Variants in PLCB1 observed in about 807,000 individuals in gnomAD.
PLCB1 encodes phospholipase C beta 1, also known as 1-phosphatidylinositol 4,5-bisphosphate phosphodiesterase beta-1.
Under a neutral mutation model 161.8 loss-of-function variants are expected in PLCB1, and 46 were observed. The observed-to-expected ratio is 0.28, with a 90% CI of 0.22 to 0.36. PLCB1 has a LOEUF of 0.36. Among genes scored for constraint, PLCB1 ranks in the 10% least tolerant of loss-of-function variants. PLCB1 has a pLI of 1.00. For synonymous variants in PLCB1, 517 were observed against 503.7 expected (o/e 1.03, Z -0.35); for missense variants, 1,016 against 1,472.5 (o/e 0.69, Z 5.07).
At chr20:8,869,449 C>G (rs1386798661) in intron 31 of PLCB1, among the ~76,000 whole-genome samples, 1 of 152,160 alleles carries the variant, frequency 6.6e-6, no homozygotes, top group African/African-American at 2.4e-5. Flanking sequence ...CTGACGTGGC[C>G]TGCTGAGTAG....
intron 3 of PLCB1, among the ~76,000 whole-genome samples, chr20:8,606,772 T>G (rs1987770087): frequency 6.6e-6 from 1 of 152,216 alleles, no homozygotes. Context: ...TTGTGATAGA[T>G]TGACAGAATT....
chr20:8,611,458 A>G (rs1204699301), intron 3 of PLCB1, among the ~76,000 whole-genome samples: 1 of 152,134 alleles, frequency 6.6e-6, no homozygotes. Flanking sequence ...ACATCAAGTT[A>G]CCTAGTCAGT....
At chr20:8,148,043 C>T (rs1478191749) in intron 1 of PLCB1, among the ~76,000 whole-genome samples, 4 of 151,780 alleles carry the variant, frequency 2.6e-5, no homozygotes, top group African/African-American at 9.7e-5. Context: ...TGTATGGGAT[C>T]CTTGCAGGGA....
chr20:8,724,048 T>C (rs1486301089), intron 15 of PLCB1, among the ~76,000 whole-genome samples: 5 of 151,864 alleles, frequency 3.3e-5, no homozygotes, highest in East Asian at 3.9e-4. Flanking sequence ...TAAAGGGACA[T>C]GGGGCCTACC....
chr20:8,812,064 C>T (rs546361234), intron 31 of PLCB1, among the ~76,000 whole-genome samples: 1 of 149,872 alleles, frequency 6.7e-6, no homozygotes, highest in South Asian at 2.1e-4. Flanking sequence ...ATTTTTTTTT[C>T]AAATTTTTCA....
chr20:8,774,770 G>C (rs1003257942), intron 27 of PLCB1, 51 bp downstream of exon 27: 2 of 1,474,754 alleles, frequency 1.4e-6, no homozygotes, highest in Non-Finnish European at 1.9e-6. Flanking sequence ...CTCCCTTATA[G>C]GAAACTTTGG....
intron 3 of PLCB1, among the ~76,000 whole-genome samples, chr20:8,603,166 A>C (rs1987646949): frequency 6.6e-6 from 1 of 152,242 alleles, no homozygotes; most frequent in Non-Finnish European, 1.5e-5. Flanking sequence ...CATACTTGTT[A>C]TTTAAAGAAA....
intron 23 of PLCB1, among the ~76,000 whole-genome samples, chr20:8,747,950 A>C (rs1286592856): frequency 1.2e-4 from 19 of 152,184 alleles, no homozygotes; most frequent in Admixed American, 1.2e-3. Context: ...GATACCATTT[A>C]ATTATTCAAA....
At chr20:8,435,954 G>GT (rs1352248070) in intron 3 of PLCB1, among the ~76,000 whole-genome samples, 9 of 152,138 alleles carry the variant, frequency 5.9e-5, no homozygotes, top group African/African-American at 2.2e-4. Context: ...ATGATGCCAG[G>GT]TGATTCCTAG....
intron 4 of PLCB1, among the ~76,000 whole-genome samples, chr20:8,639,975 A>G (rs1988891006): frequency 6.6e-6 from 1 of 152,308 alleles, no homozygotes; most frequent in African/African-American, 2.4e-5. Flanking sequence ...GGAACAATCA[A>G]GGCCAAAGAC....
At chr20:8,248,445 A>G (rs73084337) in intron 2 of PLCB1, among the ~76,000 whole-genome samples, 13,533 of 151,922 alleles carry the variant, frequency 0.089, 645 homozygotes, top group East Asian at 0.13. Context: ...AGCCTTCTGA[A>G]GAAGGCTGCA....
At chr20:8,433,150 C>T (rs1245044626) in intron 3 of PLCB1, among the ~76,000 whole-genome samples, 2 of 152,146 alleles carry the variant, frequency 1.3e-5, no homozygotes, top group Non-Finnish European at 2.9e-5. Context: ...TTGCAGCATC[C>T]GGTCCTCTCT....
chr20:8,141,596 C>T (rs1208650997), intron 1 of PLCB1, among the ~76,000 whole-genome samples: 1 of 144,782 alleles, frequency 6.9e-6, no homozygotes, highest in Non-Finnish European at 1.5e-5. Context: ...CACTGCATTC[C>T]AGCCTGGGCG....
At chr20:8,871,155 A>T (rs1439180348) in intron 31 of PLCB1, among the ~76,000 whole-genome samples, 1 of 152,218 alleles carries the variant, frequency 6.6e-6, no homozygotes, top group Admixed American at 6.5e-5. Flanking sequence ...TAATCCCTCT[A>T]TTGTAATCTA....
At chr20:8,282,951 G>T (rs989655514) in intron 2 of PLCB1, among the ~76,000 whole-genome samples, 1 of 138,878 alleles carries the variant, frequency 7.2e-6, no homozygotes, top group Admixed American at 7.3e-5. Flanking sequence ...AGATAATTAG[G>T]CAAGAGCTGA....
At chr20:8,189,024 C>T (rs6055619) in intron 2 of PLCB1, among the ~76,000 whole-genome samples, 44,486 of 151,792 alleles carry the variant, frequency 0.29, 6,999 homozygotes, top group African/African-American at 0.41. Context: ...AATATTTATT[C>T]AAAAGTAATG....
chr20:8,632,035 C>CTTTTTTTTTTTGTTTTTTTTTTTTT (rs1568537430), intron 4 of PLCB1, among the ~76,000 whole-genome samples: 1 of 45,984 alleles, frequency 2.2e-5, no homozygotes, highest in Non-Finnish European at 3.7e-5. Flanking sequence ...GTTTTTTTTG[C>CTTTTTTTTTTTGTTTTTTTTTTTTT]TTTTTTTTTT....
At position 8,231,982 on chromosome 20, in the gene PLCB1, G is replaced by A. The variant is rs182935873; in HGVS notation, c.177+81611G>A. Among the ~76,000 whole-genome samples the A allele has an allele frequency of 2.1e-3, 313 of 152,180 alleles. 1 individual carries two copies. The highest frequency in any genetic ancestry group is 3.0e-3 in the Non-Finnish European group (207 of 68,000). On this transcript the variant is annotated intron_variant, in intron 2 of 31. Transcript: ENST00000338037. ...TAGCTTTTAGCTATGGGTCAGAGTC[G>A]CCAATCTATCATCTTTTCAGCCAGC... is the stretch of plus-strand genomic sequence containing the variant.
rs1031154291 is a variant in PLCB1 at position 8,562,336 on chromosome 20, C to T, written c.247-65958C>T. Among the ~76,000 whole-genome samples, 4 of 152,032 alleles carry T rather than the reference C, an allele frequency of 2.6e-5. 1 individual carries two copies. The highest frequency in any genetic ancestry group is 4.1e-4 in the South Asian group (2 of 4,836). On this transcript the variant is annotated intron_variant, in intron 3 of 31. Coordinates refer to ENST00000338037, the MANE Select transcript of PLCB1 (RefSeq NM_015192.4). ...TATGTGAGTGTGAAAAGCTGCTCAG[C>T]GGTCCTAATGTTTGGTCGTGGTTAA...
Sources: gnomAD v4.1 joint callset for allele counts (sites outside exome capture counted in the v4.1 genomes callset) on GRCh38, gnomAD v4.1.1 for gene constraint, MANE v1.5 for transcripts, NCBI Gene and HGNC (gene_info 2026-07-23, HGNC 2026-07-21) for gene names.